ZNF385D: variants seen among roughly 807,000 people sequenced by gnomAD.
ZNF385D encodes zinc finger protein 385D, also known as zinc finger protein 659.
ZNF385D carries 15 observed loss-of-function variants against 35.8 expected under a neutral mutation model. The observed-to-expected ratio is 0.42, with a 90% CI of 0.28 to 0.64. ZNF385D has a LOEUF of 0.64. ZNF385D is among the 30% of genes least tolerant of loss of function. ZNF385D has a pLI of 0.23. For missense variants in ZNF385D, 474 were observed against 494.6 expected, an observed-to-expected ratio of 0.96 and a Z score of 0.39; for synonymous variants, 212 against 186.8, an observed-to-expected ratio of 1.13 and a Z score of -1.10.
intron 3 of ZNF385D, among the ~76,000 whole-genome samples, chr3:21,969,670 A>C (rs768839369): frequency 6.6e-6 from 1 of 152,080 alleles, no homozygotes; most frequent in African/African-American, 2.4e-5. Flanking sequence ...TGGATTCACC[A>C]TCTGCTTATT....
At chr3:22,029,384 G>A (rs1333379471) in intron 3 of ZNF385D, among the ~76,000 whole-genome samples, 1 of 152,156 alleles carries the variant, frequency 6.6e-6, no homozygotes, top group Non-Finnish European at 1.5e-5. Flanking sequence ...GCCCAATTCA[G>A]GCAGGACTAC....
chr3:22,075,903 C>A (rs1479499417), intron 3 of ZNF385D, among the ~76,000 whole-genome samples: 1 of 151,872 alleles, frequency 6.6e-6, no homozygotes, highest in Non-Finnish European at 1.5e-5. Flanking sequence ...ATAATCCATC[C>A]AGTTCCTTGA....
intron 2 of ZNF385D, among the ~76,000 whole-genome samples, chr3:22,262,923 G>A (rs62246553): frequency 0.14 from 21,648 of 151,866 alleles, 1,947 homozygotes; most frequent in Non-Finnish European, 0.2. Flanking sequence ...AGGCACAGGT[G>A]CCTATGAGTC....
intron 2 of ZNF385D, among the ~76,000 whole-genome samples, chr3:22,324,947 G>C (rs9835064): frequency 0.23 from 35,450 of 152,020 alleles, 4,263 homozygotes; most frequent in East Asian, 0.27. Context: ...GTATGACCTT[G>C]AGCAAGACAC....
chr3:22,085,435 A>G (rs1334074403), intron 3 of ZNF385D, among the ~76,000 whole-genome samples: 1 of 152,232 alleles, frequency 6.6e-6, no homozygotes, highest in Admixed American at 6.5e-5. Flanking sequence ...TCATCAGAGA[A>G]TACTATAAAC....
intron 2 of ZNF385D, among the ~76,000 whole-genome samples, chr3:22,332,648 T>G (rs1183623083): frequency 1.3e-5 from 2 of 152,074 alleles, no homozygotes; most frequent in African/African-American, 4.8e-5. Context: ...AAAGCTTAAT[T>G]TATTTTGCAG....
chr3:21,434,941 C>T (rs1010716818), intron 5 of ZNF385D, among the ~76,000 whole-genome samples: 1 of 152,138 alleles, frequency 6.6e-6, no homozygotes, highest in African/African-American at 2.4e-5. Context: ...GTGACAGCCA[C>T]ATTTCACCTC....
At position 21,970,629 on chromosome 3, in the gene ZNF385D, T is replaced by C. The variant is rs139246186; in HGVS notation, c.325+198188A>G. Among the ~76,000 whole-genome samples the C allele has an allele frequency of 3.0e-3, 455 of 150,324 alleles. 2 individuals are homozygous for C. Among genetic ancestry groups the C allele is most frequent in the African/African-American group, 0.01 (428 of 41,122 alleles). ...GAGTAGAGAGAGAGAGAGAGAGAAA[T>C]TGAGGTAGAAAGATTATTCAAAAAC... On this transcript the variant is annotated intron_variant, in intron 3 of 5. Coordinates refer to the ZNF385D transcript ENST00000494108.
chr3:22,305,775 T>C (rs1038486446), intron 2 of ZNF385D, among the ~76,000 whole-genome samples: 1 of 152,186 alleles, frequency 6.6e-6, no homozygotes, highest in Non-Finnish European at 1.5e-5. Flanking sequence ...AAAATACTCA[T>C]GAACAACCAA....
At chr3:22,127,547 C>T (rs1202208076) in intron 3 of ZNF385D, among the ~76,000 whole-genome samples, 1 of 151,730 alleles carries the variant, frequency 6.6e-6, no homozygotes, top group African/African-American at 2.4e-5. Flanking sequence ...ACCATGTTGT[C>T]CAGGCTGGTT....
intron 3 of ZNF385D, among the ~76,000 whole-genome samples, chr3:21,985,339 C>T (rs1170963923): frequency 9.0e-6 from 1 of 111,004 alleles, no homozygotes; most frequent in Non-Finnish European, 1.8e-5. Context: ...GAAATACGTC[C>T]CATCAATACC....
rs189557796 is a variant in ZNF385D at position 22,219,047 on chromosome 3, A to C, written c.107-50012T>G. The stretch of plus-strand genomic sequence containing the variant: ...TTTCAATTGACCATTCTCAAAGCTT[A>C]AACTACAAAGAAGGCAAATCAATTA... On this transcript the variant is annotated intron_variant, in intron 2 of 5. Coordinates refer to the ZNF385D transcript ENST00000494108. 3.7e-3 allele frequency among the ~76,000 whole-genome samples: 563 copies of C among 152,254 alleles called. 2 individuals carry two copies. Among genetic ancestry groups the C allele is most frequent in the African/African-American group, 0.013 (537 of 41,568 alleles).
intron 3 of ZNF385D, among the ~76,000 whole-genome samples, chr3:22,074,387 C>T (rs565240340): frequency 6.6e-6 from 1 of 151,936 alleles, no homozygotes. Flanking sequence ...GGCAGAGAAG[C>T]CAACTCTTAA....
chr3:21,970,096 A>G (rs1306958746), intron 3 of ZNF385D, among the ~76,000 whole-genome samples: 1 of 152,184 alleles, frequency 6.6e-6, no homozygotes, highest in African/African-American at 2.4e-5. Context: ...GCTTCCCAAG[A>G]AGGACAGGTA....
At position 21,417,557 on chromosome 3, in the gene ZNF385D, G is replaced by A. The variant is rs1700579351; in HGVS notation, c.*3657C>T. 1 of 152,054 alleles carries A rather than the reference G, an allele frequency of 6.6e-6. No homozygotes were observed. Among genetic ancestry groups the A allele is most frequent in the African/African-American group, 2.4e-5 (1 of 41,416 alleles). The allele number at this position is 152,054 out of a possible 1,614,324, so 9.4% of individuals were successfully genotyped here. A position where few individuals can be genotyped will look rare whatever the true frequency, so the allele number is the denominator to read the frequency against. The stretch of plus-strand genomic sequence containing the variant: ...CTGATCTGATTTCTTCAGAACAATT[G>A]AAACATTACACTGGTACAAAGACAA... On this transcript the variant is annotated 3_prime_UTR_variant, in exon 8 of 8. Transcript: ENST00000281523.
At chr3:21,809,366 G>A (rs774958957) in intron 3 of ZNF385D, among the ~76,000 whole-genome samples, 4 of 143,586 alleles carry the variant, frequency 2.8e-5, no homozygotes, top group African/African-American at 1.0e-4. Context: ...TTAAAATTAT[G>A]TTTGATAACT....
At chr3:22,213,685 C>T (rs999517624) in intron 2 of ZNF385D, among the ~76,000 whole-genome samples, 1 of 151,970 alleles carries the variant, frequency 6.6e-6, no homozygotes, top group Non-Finnish European at 1.5e-5. Context: ...TTCATTAAGT[C>T]ACTATAACTC....
chr3:21,833,220 C>T (rs546074426), intron 3 of ZNF385D, among the ~76,000 whole-genome samples: 2 of 152,226 alleles, frequency 1.3e-5, no homozygotes, highest in East Asian at 1.9e-4. Context: ...GAATGGTATA[C>T]TTAGTGGGCT....
chr3:21,744,158 T>C (rs1355984565), intron 1 of ZNF385D, among the ~76,000 whole-genome samples: 1 of 152,208 alleles, frequency 6.6e-6, no homozygotes, highest in Non-Finnish European at 1.5e-5. Context: ...CATCTGTGGC[T>C]CAAATTCCTC....
Sources: allele counts gnomAD v4.1 joint callset (sites outside exome capture counted in the v4.1 genomes callset), GRCh38; gene constraint gnomAD v4.1.1; transcripts MANE v1.5; gene names NCBI Gene and HGNC (gene_info 2026-07-23, HGNC 2026-07-21).